The following CCPG1 variants were observed in gnomAD, a reference collection of about 807,000 sequenced individuals.
CCPG1 encodes the protein cell cycle progression protein 1.
Under a neutral mutation model 81.3 loss-of-function variants are expected in CCPG1, and 46 were observed. The observed-to-expected ratio is 0.57, with a 90% CI of 0.45 to 0.72. The LOEUF is 0.72. Ranked by LOEUF, CCPG1 falls within the 30% of genes least tolerant of loss-of-function variation. CCPG1 has a pLI of 0.00. For synonymous variants in CCPG1, 330 were observed against 305.2 expected (o/e 1.08, Z -0.85); for missense variants, 902 against 937.6 (o/e 0.96, Z 0.50).
At chr15:55,370,161 T>G in intron 6 of CCPG1, among the ~76,000 whole-genome samples, 1 of 152,214 alleles carries the variant, frequency 6.6e-6, no homozygotes, top group East Asian at 1.9e-4. Context: ...AGCTCTGACT[T>G]TAAACAGGTA....
chr15:55,360,236 G>A lies in CCPG1; in HGVS notation c.1537C>T (p.Gln513Ter). ...FVRHHKEKIK[Q>*]AKEAVKENLK... is the part of the protein sequence containing the mutation. ...TTTTCCTTCACAGCTTCTTTAGCCT[G>A]CTTAATTTTCTCTTTATGATGCCTT... Residue 513 changes from glutamine to a stop codon, truncating the protein, a stop_gained, in exon 8 of 9, where the codon CAG becomes TAG. Coordinates refer to ENST00000442196, the MANE Select transcript of CCPG1 (RefSeq NM_001204450.2). LOFTEE classifies it high-confidence loss of function. The A allele has an allele frequency of 6.2e-7, 1 of 1,613,738 alleles. No individual in the cohort carries two copies. Among genetic ancestry groups the A allele is most frequent in the Non-Finnish European group, 8.5e-7 (1 of 1,179,950 alleles).
At chr15:55,407,028 C>T (rs1463420883) in intron 1 of CCPG1, among the ~76,000 whole-genome samples, 1 of 133,854 alleles carries the variant, frequency 7.5e-6, no homozygotes, top group African/African-American at 3.3e-5. Flanking sequence ...GCCTGGCCGA[C>T]ACGTTGAGAC....
intron 1 of CCPG1, among the ~76,000 whole-genome samples, chr15:55,406,281 C>T (rs879092983): frequency 6.8e-6 from 1 of 146,322 alleles, no homozygotes; most frequent in African/African-American, 2.5e-5. Flanking sequence ...GATATAGAAA[C>T]TCTCAAAGTG....
intron 1 of CCPG1, among the ~76,000 whole-genome samples, chr15:55,396,516 T>C (rs1304603303): frequency 1.3e-5 from 2 of 152,228 alleles, no homozygotes; most frequent in Non-Finnish European, 2.9e-5. Context: ...GAAATCATCT[T>C]CCTGCTGCTC....
Position 55,356,381 on chromosome 15 carries a change from T to G in CCPG1, c.2263A>C (p.Asn755His). 6.5e-7 allele frequency: 1 copy of G among 1,533,386 alleles called. No individual in the cohort carries two copies. 95.0% of individuals were successfully genotyped at this position (1,533,386 alleles called of 1,614,324 possible). A position where few individuals can be genotyped will look rare whatever the true frequency, so the allele number is the denominator to read the frequency against. Residue 755 changes from asparagine to histidine, a missense_variant, in exon 9 of 9, where the codon AAT (asparagine) becomes CAT (histidine). By Grantham distance (68) the Asn-to-His change is moderately conservative. Transcript: ENST00000442196. ...SRPDKKQRMVNIENSRHRKQE... is the reference protein window; with the variant it reads ...SRPDKKQRMVHIENSRHRKQE... Reference sequence around the variant, plus strand: ...TTTCGATGCCTGGAGTTTTCAATATTTACCATACGTTGCTTTTTATCAGGT... The same window carrying G: ...TTTCGATGCCTGGAGTTTTCAATATGTACCATACGTTGCTTTTTATCAGGT...
chr15:55,361,890 A>T (rs1231696540), intron 7 of CCPG1, among the ~76,000 whole-genome samples: 1 of 152,186 alleles, frequency 6.6e-6, no homozygotes, highest in Non-Finnish European at 1.5e-5. Flanking sequence ...TAAATTCTAT[A>T]ACCATGTTAG....
At chr15:55,408,123 C>T (rs1595875952) in intron 1 of CCPG1, 98 bp downstream of exon 1, 5 of 152,690 alleles carry the variant, frequency 3.3e-5, no homozygotes, top group Admixed American at 3.3e-4. Context: ...GGAGGCGGAC[C>T]CCGCCACTGC....
intron 1 of CCPG1, among the ~76,000 whole-genome samples, chr15:55,395,650 C>T (rs1242097804): frequency 6.6e-6 from 1 of 152,016 alleles, no homozygotes; most frequent in African/African-American, 2.4e-5. Context: ...GGTTCATTTC[C>T]TTTGAGAACC....
intron 6 of CCPG1, among the ~76,000 whole-genome samples, chr15:55,367,148 G>A (rs148890924): frequency 4.3e-4 from 66 of 152,220 alleles, no homozygotes; most frequent in Non-Finnish European, 8.8e-4. Context: ...TCAATTTATA[G>A]AAGCACGGCA....
chr15:55,397,352 C>T (rs1236283122), intron 1 of CCPG1, among the ~76,000 whole-genome samples: 3 of 152,084 alleles, frequency 2.0e-5, no homozygotes, highest in African/African-American at 7.2e-5. Context: ...CTAAAAGTCA[C>T]AGAAGCGTTT....
Position 55,371,948 on chromosome 15 carries a change from G to A in CCPG1, c.551C>T (p.Thr184Ile). ...AFRRRRARKK[T>I]VSASESEDRL... is the part of the protein sequence containing the mutation. ...GTCTTCAGATTCTGAAGCAGAAACG[G>A]TCTTCTTCCTAGCACGGCGTCGTCT... Residue 184 changes from threonine to isoleucine, a missense_variant, in exon 6 of 9, where the codon ACC (threonine) becomes ATC (isoleucine). Coordinates refer to ENST00000442196, the MANE Select transcript of CCPG1 (RefSeq NM_001204450.2). 6.2e-7 allele frequency: 1 copy of A among 1,614,174 alleles called. No individual in the cohort carries two copies. The highest frequency in any genetic ancestry group is 8.5e-7 in the Non-Finnish European group (1 of 1,180,026).
At chr15:55,384,937 A>T (rs1313105410) in intron 3 of CCPG1, among the ~76,000 whole-genome samples, 1 of 152,170 alleles carries the variant, frequency 6.6e-6, no homozygotes, top group Non-Finnish European at 1.5e-5. Flanking sequence ...TTTTTTTCTT[A>T]ACTTTAATAA....
At chr15:55,357,906 G>C (rs918369834) in intron 8 of CCPG1, 3 of 152,192 alleles carry the variant, frequency 2.0e-5, no homozygotes, top group Non-Finnish European at 2.9e-5. Context: ...TCTGAGTAAT[G>C]TAATGAAATA....
intron 1 of CCPG1, among the ~76,000 whole-genome samples, chr15:55,394,796 A>T (rs753950760): frequency 3.0e-4 from 45 of 151,546 alleles, no homozygotes; most frequent in Non-Finnish European, 5.3e-4. Flanking sequence ...GGCCTCCTAG[A>T]TAGTATTAAG....
At chr15:55,375,442 TA>T (rs2056545186) in intron 5 of CCPG1, among the ~76,000 whole-genome samples, 1 of 152,030 alleles carries the variant, frequency 6.6e-6, no homozygotes, top group African/African-American at 2.4e-5. Flanking sequence ...TCCTGGAGTT[TA>T]AAAAAATAAT....
At chr15:55,396,154 CAAAAA>C (rs57419686) in intron 1 of CCPG1, among the ~76,000 whole-genome samples, 2 of 123,086 alleles carry the variant, frequency 1.6e-5, no homozygotes. Context: ...ACTCCACCTC[CAAAAA>C]AAAAAAAAAA....
rs572759358 is a variant in CCPG1, at chr15:55,374,091, T to A, written c.455-2047A>T. 5.9e-5 allele frequency: 54 copies of A among 914,194 alleles called. 1 individual carries two copies. The African/African-American group carries it at 8.9e-4, about 15-fold the overall frequency. The allele number at this position is 914,194 out of a possible 1,614,324, so 56.6% of individuals were successfully genotyped here. ...CAACAGGTATCTTTAAAGCACTCGG[T>A]AAATAGTAAATGTGACTAGGCACAC... On this transcript the variant is annotated intron_variant, in intron 5 of 8. Coordinates refer to ENST00000442196, the MANE Select transcript of CCPG1 (RefSeq NM_001204450.2).
chr15:55,391,139 G>C (rs75920208), intron 1 of CCPG1, among the ~76,000 whole-genome samples: 7,468 of 152,152 alleles, frequency 0.049, 256 homozygotes, highest in East Asian at 0.15. Context: ...TTTATTTTGA[G>C]TGTGACAGGG....
At chr15:55,395,323 C>T (rs904038918) in intron 1 of CCPG1, among the ~76,000 whole-genome samples, 10 of 152,064 alleles carry the variant, frequency 6.6e-5, no homozygotes, top group African/African-American at 2.4e-4. Flanking sequence ...TTTTTAAGCC[C>T]TATCCTAGAC....
Sources: gnomAD v4.1 joint callset for allele counts (sites outside exome capture counted in the v4.1 genomes callset) on GRCh38, gnomAD v4.1.1 for gene constraint, MANE v1.5 for transcripts, NCBI Gene and HGNC (gene_info 2026-07-23, HGNC 2026-07-21) for gene names.